Variants in HNRNPLL observed in about 807,000 individuals in gnomAD.
The protein encoded by HNRNPLL is heterogeneous nuclear ribonucleoprotein L-like.
In HNRNPLL, 25 loss-of-function variants were observed where a neutral mutation model predicts 67.1. The observed-to-expected ratio is 0.37, with a 90% CI of 0.27 to 0.52. The LOEUF is 0.52. Ranked by LOEUF, HNRNPLL falls within the 20% of genes least tolerant of loss-of-function variation. The pLI is 0.90. For synonymous variants in HNRNPLL, 267 were observed against 241.7 expected, an observed-to-expected ratio of 1.10 and a Z score of -0.97; for missense variants, 542 against 673.9, an observed-to-expected ratio of 0.80 and a Z score of 2.17.
At position 38,591,645 on chromosome 2, in the gene HNRNPLL, C is replaced by T. The variant is rs780031410; in HGVS notation, c.193G>A (p.Ala65Thr). 3.1e-6 allele frequency: 5 copies of T among 1,600,286 alleles called. No individual in the cohort carries two copies. The African/African-American group carries it at 6.7e-5, about 21-fold the overall frequency. Residue 65 changes from alanine to threonine, a missense_variant, in exon 2 of 13, where the codon GCA becomes ACA. Coordinates refer to ENST00000449105, the MANE Select transcript of HNRNPLL (RefSeq NM_138394.4). Reference protein sequence around the residue: ...GGGRSFSQPEAGGSHHKVSVS... With the variant: ...GGGRSFSQPETGGSHHKVSVS... The stretch of plus-strand genomic sequence containing the variant: ...GAAACTTTATGATGACTTCCACCTG[C>T]CTCCTAGCAAGAGAAAATAATTTCT...
At chr2:38,574,119 C>T (rs868515914) in intron 7 of HNRNPLL, among the ~76,000 whole-genome samples, 6 of 152,008 alleles carry the variant, frequency 3.9e-5, no homozygotes, top group Non-Finnish European at 8.8e-5. Context: ...ATCTATGTCT[C>T]TTACATTGAG....
intron 3 of HNRNPLL, among the ~76,000 whole-genome samples, chr2:38,585,118 G>A (rs920219729): frequency 2.6e-5 from 4 of 151,824 alleles, no homozygotes; most frequent in African/African-American, 9.7e-5. Flanking sequence ...GAAACAGCAT[G>A]TGAGTAGGAA....
chr2:38,589,590 C>T (rs995521366), intron 2 of HNRNPLL, among the ~76,000 whole-genome samples: 2 of 152,104 alleles, frequency 1.3e-5, no homozygotes, highest in African/African-American at 2.4e-5. Flanking sequence ...GGCAAAATGA[C>T]GCAAATTAAC....
intron 8 of HNRNPLL, among the ~76,000 whole-genome samples, chr2:38,570,677 T>C (rs2148340999): frequency 6.6e-6 from 1 of 152,300 alleles, no homozygotes; most frequent in South Asian, 2.1e-4. Context: ...AATCCCTAAG[T>C]GGCTATTAAG....
Position 38,599,731 on chromosome 2 carries a change from CTA to C in HNRNPLL, c.189+2705_189+2706del, listed in dbSNP as rs542297690. Among the ~76,000 whole-genome samples the C allele has an allele frequency of 1.8e-3, 276 of 152,322 alleles. 1 individual carries two copies. Among genetic ancestry groups the C allele is most frequent in the Middle Eastern group, 0.014 (4 of 294 alleles). On this transcript the variant is annotated intron_variant, in intron 1 of 12. Coordinates refer to ENST00000449105, the MANE Select transcript of HNRNPLL (RefSeq NM_138394.4). ...TAAGTTAAGAGCCTTTGTAGAACCA[CTA>C]TGTTTTTCTTAAATACTCACTTTCC...
chr2:38,578,578 T>C (rs996768318), intron 6 of HNRNPLL, among the ~76,000 whole-genome samples: 3 of 151,972 alleles, frequency 2.0e-5, no homozygotes, highest in Admixed American at 6.6e-5. Context: ...TCTAGAGAAG[T>C]AGAGTTTTAA....
chr2:38,569,407 A>C (rs1339729850), intron 9 of HNRNPLL, 73 bp from the exon 10 acceptor site: 32 of 1,078,984 alleles, frequency 3.0e-5, no homozygotes, highest in Non-Finnish European at 4.4e-5. Context: ...TCAGAATGCT[A>C]ATATATTTTG....
Position 38,569,892 on chromosome 2 carries a change from G to T in HNRNPLL, c.1126C>A (p.Leu376Met). Residue 376 changes from leucine to methionine, a missense_variant, in exon 9 of 13, where the codon CTG becomes ATG. Leu to Met is a conservative substitution (Grantham distance 15). This residue lies in a region of HNRNPLL where 415 missense variants were observed against 575.2 expected (regional missense o/e 0.72). Transcript: ENST00000449105. The part of the protein sequence containing the change: ...KFMKTIPGTA[L>M]VEMGDEYAVE... ...GCATACTCATCACCCATTTCTACCAGTGCTGTACCAGGAATGGTCTTCATA... is the reference window on the plus strand; with the variant it reads ...GCATACTCATCACCCATTTCTACCATTGCTGTACCAGGAATGGTCTTCATA... The T allele has an allele frequency of 6.3e-7, 1 of 1,591,330 alleles. No individual in the cohort carries two copies. Among genetic ancestry groups the T allele is most frequent in the Non-Finnish European group, 8.6e-7 (1 of 1,162,874 alleles).
At chr2:38,592,219 A>G (rs1321906714) in intron 1 of HNRNPLL, among the ~76,000 whole-genome samples, 3 of 152,232 alleles carry the variant, frequency 2.0e-5, no homozygotes, top group Non-Finnish European at 2.9e-5. Context: ...AAAATCTCAG[A>G]AAGAAAATTT....
chr2:38,602,591 G>A lies in HNRNPLL; in HGVS notation c.36C>T (p.Tyr12=). ...SSSSSSPRET[Y]EEDREYESQA... ...GGCTCTCGTACTCCCGGTCCTCCTC[G>A]TACGTCTCCCTGGGGGAGGAAGAGG... Residue 12 remains tyrosine, a synonymous_variant, in exon 1 of 13, where the codon TAC becomes TAT. Transcript: ENST00000449105. 1 of 1,572,296 alleles carries A rather than the reference G, an allele frequency of 6.4e-7. No individual in the cohort carries two copies. Among genetic ancestry groups the A allele is most frequent in the Non-Finnish European group, 8.6e-7 (1 of 1,161,662 alleles).
Position 38,564,015 on chromosome 2 carries a change from T to C in HNRNPLL, c.*167A>G. On this transcript the variant is annotated 3_prime_UTR_variant, in exon 13 of 13. Coordinates refer to ENST00000449105, the MANE Select transcript of HNRNPLL (RefSeq NM_138394.4). Reference sequence around the variant, plus strand: ...ATCTTAAAATGAAAACAATTCAATATTTAAGCTTACAACAAATTTACTCAA... The same window carrying C: ...ATCTTAAAATGAAAACAATTCAATACTTAAGCTTACAACAAATTTACTCAA... The C allele has an allele frequency of 6.8e-6, 4 of 585,180 alleles. No individual in the cohort carries two copies. The highest frequency in any genetic ancestry group is 4.3e-4 in the Middle Eastern group (1 of 2,324). The allele number at this position is 585,180 out of a possible 1,614,324, so 36.2% of individuals were successfully genotyped here.
At position 38,562,565 on chromosome 2, in the gene HNRNPLL, A is replaced by G. The variant is rs1665709443; in HGVS notation, c.*1617T>C. ...AGAGGTAGAAAAGTATTTATAGGGG[A>G]AAAAAAGCTTTATTGTAAAGTTAGA... On this transcript the variant is annotated 3_prime_UTR_variant, in exon 13 of 13. Transcript: ENST00000449105. 6.6e-6 allele frequency: 1 copy of G among 152,094 alleles called. No individual in the cohort carries two copies. The highest frequency in any genetic ancestry group is 2.4e-5 in the African/African-American group (1 of 41,420). The allele number at this position is 152,094 out of a possible 1,614,324, so 9.4% of individuals were successfully genotyped here.
At chr2:38,595,272 T>TAAAAAAAAAAAAAAAA (rs70954734) in intron 1 of HNRNPLL, among the ~76,000 whole-genome samples, 1 of 68,772 alleles carries the variant, frequency 1.5e-5, no homozygotes, top group Non-Finnish European at 3.0e-5. Context: ...AGACCTTGTC[T>TAAAAAAAAAAAAAAAA]AAAAAAAAAA....
In HNRNPLL at chr2:38,566,380, CA is replaced by C. The variant is rs71402235; in HGVS notation, c.1573+1818del. On this transcript the variant is annotated intron_variant, in intron 12 of 12. Transcript: ENST00000449105. ...AAGACTCGTCTCAAAAAAAAAAAAC[CA>C]AAAAAAAAAAAACCAAAAAGGCCAT... 1.1e-3 allele frequency among the ~76,000 whole-genome samples: 127 copies of C among 119,076 alleles called. 1 individual carries two copies. In the South Asian group the frequency reaches 0.02, roughly 19 times the overall value. 78.1% of individuals were successfully genotyped at this position (119,076 alleles called of 152,430 possible).
In HNRNPLL at chr2:38,597,011, CTCTTAA is replaced by C. The variant is rs1667221366; in HGVS notation, c.190-5369_190-5364del. Among the ~76,000 whole-genome samples the C allele has an allele frequency of 2.6e-5, 4 of 152,326 alleles. 1 individual carries two copies. In the South Asian group the frequency reaches 8.3e-4, roughly 32 times the overall value. ...CTTCAAAGGCCATTTCAGGGACAAA[CTCTTAA>C]TAATACAATATTTTATTTATTTTTT... On this transcript the variant is annotated intron_variant, in intron 1 of 12. Coordinates refer to ENST00000449105, the MANE Select transcript of HNRNPLL (RefSeq NM_138394.4).
chr2:38,587,487 A>G (rs1666782734), intron 2 of HNRNPLL, among the ~76,000 whole-genome samples: 2 of 152,220 alleles, frequency 1.3e-5, no homozygotes, highest in South Asian at 4.1e-4. Context: ...TCAAAATTAA[A>G]GAAGTACAAA....
intron 12 of HNRNPLL, chr2:38,566,156 C>T: frequency 1.1e-6 from 1 of 887,384 alleles, no homozygotes; most frequent in Non-Finnish European, 1.4e-6. Context: ...ATCATGAGGT[C>T]CAGGAGTTCG....
chr2:38,588,402 A>C (rs188444836), intron 2 of HNRNPLL, among the ~76,000 whole-genome samples: 8 of 151,732 alleles, frequency 5.3e-5, no homozygotes, highest in Non-Finnish European at 1.2e-4. Flanking sequence ...ATAAAAAATT[A>C]GCCAGGCACG....
intron 1 of HNRNPLL, among the ~76,000 whole-genome samples, chr2:38,593,871 AAC>A (rs1667066270): frequency 6.8e-6 from 1 of 148,094 alleles, no homozygotes. Flanking sequence ...TCAAAAAAAA[AAC>A]AAAAAAAAAC....
Sources: gnomAD v4.1 joint callset for allele counts (sites outside exome capture counted in the v4.1 genomes callset) on GRCh38, gnomAD v4.1.1 for gene constraint, gnomAD v4.1.1 regional missense constraint, MANE v1.5 for transcripts, NCBI Gene and HGNC (gene_info 2026-07-23, HGNC 2026-07-21) for gene names.